Variants in EIF4E3 observed in about 807,000 individuals in gnomAD.
EIF4E3 encodes eukaryotic translation initiation factor 4E type 3.
In EIF4E3, 26 loss-of-function variants were observed where a neutral mutation model predicts 31.7. The ratio of observed to expected loss-of-function variants is 0.82; its 90% CI spans 0.60 to 1.14. EIF4E3 has a LOEUF of 1.14. EIF4E3 is among the 50% of genes most tolerant of loss of function. EIF4E3 has a pLI of 0.00. For missense variants in EIF4E3, 304 were observed against 270.9 expected (o/e 1.12, Z -0.86); for synonymous variants, 128 against 107.7 (o/e 1.19, Z -1.17).
chr3:71,666,885 GC>G, the EIF4E3 span, among the ~76,000 whole-genome samples: 2 of 152,274 alleles, frequency 1.3e-5, no homozygotes, highest in African/African-American at 4.8e-5. Context: ...GTTGCAGTGA[GC>G]CGAGGTCACG....
intron 1 of EIF4E3, among the ~76,000 whole-genome samples, chr3:71,748,713 A>T (rs1433356393): frequency 6.6e-6 from 1 of 152,086 alleles, no homozygotes; most frequent in Non-Finnish European, 1.5e-5. Flanking sequence ...CCCCACACAC[A>T]TGCGCGCACT....
At chr3:71,664,942 C>A in the EIF4E3 span, among the ~76,000 whole-genome samples, 1 of 152,092 alleles carries the variant, frequency 6.6e-6, no homozygotes, top group South Asian at 2.1e-4. Flanking sequence ...GAAGATGACA[C>A]AAAAAAGAAC....
chr3:71,754,527 C>T (rs1401891145), upstream of EIF4E3: 12 of 1,340,794 alleles, frequency 8.9e-6, no homozygotes, highest in Non-Finnish European at 1.1e-5. This position sits in a 1 kb window ranked among gnomAD's most constrained non-coding sequence, Gnocchi z 5.8. Flanking sequence ...CCCGCCAGTG[C>T]TGGACGGCGG....
At chr3:71,709,317 A>G (rs1381874469) in intron 2 of EIF4E3, among the ~76,000 whole-genome samples, 1 of 152,244 alleles carries the variant, frequency 6.6e-6, no homozygotes, top group East Asian at 1.9e-4. Flanking sequence ...CTAAACTAGA[A>G]GACAGGAGAA....
rs1203516005 is a variant in EIF4E3 at position 71,677,316 on chromosome 3, T to C, written c.*7366A>G. 3.9e-5 allele frequency: 6 copies of C among 152,210 alleles called. No homozygotes were observed. Among genetic ancestry groups the C allele is most frequent in the African/African-American group, 7.2e-5 (3 of 41,462 alleles). The allele number at this position is 152,210 out of a possible 1,614,324, so 9.4% of individuals were successfully genotyped here. A position where few individuals can be genotyped will look rare whatever the true frequency, so the allele number is the denominator to read the frequency against. ...ATGTAACAAAAGAACCATCGTCTTG[T>C]AGGATTCCAGAGATTTTTTTATGCA... On this transcript the variant is annotated 3_prime_UTR_variant, in exon 7 of 7. Coordinates refer to ENST00000425534, the MANE Select transcript of EIF4E3 (RefSeq NM_001134651.2).
intron 1 of EIF4E3, among the ~76,000 whole-genome samples, chr3:71,750,227 T>C (rs1468639053): frequency 1.3e-5 from 2 of 152,216 alleles, no homozygotes; most frequent in Non-Finnish European, 2.9e-5. Context: ...TAAACTCAAC[T>C]TCAGAGCCCA....
intron 1 of EIF4E3, among the ~76,000 whole-genome samples, chr3:71,738,913 A>C (rs2049791253): frequency 6.7e-6 from 1 of 150,158 alleles, no homozygotes; most frequent in African/African-American, 2.5e-5. Context: ...AAAACTTAAC[A>C]AATGTAAAAT....
At chr3:71,721,140 A>C (rs1197113611) in intron 1 of EIF4E3, among the ~76,000 whole-genome samples, 1 of 152,228 alleles carries the variant, frequency 6.6e-6, no homozygotes, top group Non-Finnish European at 1.5e-5. Flanking sequence ...AGAGAGCTGA[A>C]GGCTGGAGAT....
chr3:71,690,300 G>A (rs1347588830), intron 5 of EIF4E3, 135 bp from the exon 6 acceptor site: 2 of 1,022,370 alleles, frequency 2.0e-6, no homozygotes, highest in African/African-American at 1.7e-5. Context: ...TAACTTGTAA[G>A]AAATAATTGT....
chr3:71,662,050 A>G, the EIF4E3 span, among the ~76,000 whole-genome samples: 8 of 152,228 alleles, frequency 5.3e-5, no homozygotes, highest in African/African-American at 1.7e-4. Flanking sequence ...CACAGGGTCC[A>G]TGCTTGATAA....
rs938957897 is a variant in EIF4E3 at position 71,677,507 on chromosome 3, A to C, written c.*7175T>G. On this transcript the variant is annotated 3_prime_UTR_variant, in exon 7 of 7. Coordinates refer to ENST00000425534, the MANE Select transcript of EIF4E3 (RefSeq NM_001134651.2). ...AGAACAACCGAGAACACATTCCAAA[A>C]AGTGCATCAATAACGACTAGATGAT... 1 of 152,206 alleles carries C rather than the reference A, an allele frequency of 6.6e-6. No individual in the cohort carries two copies. The highest frequency in any genetic ancestry group is 1.5e-5 in the Non-Finnish European group (1 of 68,030). 9.4% of individuals were successfully genotyped at this position (152,206 alleles called of 1,614,324 possible).
At chr3:71,707,031 G>A (rs779432258) in intron 2 of EIF4E3, among the ~76,000 whole-genome samples, 7 of 152,106 alleles carry the variant, frequency 4.6e-5, no homozygotes, top group Non-Finnish European at 7.3e-5. Flanking sequence ...TGTTAGTGGT[G>A]GTGCGATCCA....
At chr3:71,686,543 A>AGTGTGTGTGTGTGTGTGTGTGTGTGT (rs61264269) in intron 6 of EIF4E3, among the ~76,000 whole-genome samples, 4 of 143,498 alleles carry the variant, frequency 2.8e-5, no homozygotes, top group Non-Finnish European at 4.6e-5. Context: ...TTTCACATTG[A>AGTGTGTGTGTGTGTGTGTGTGTGTGT]GTGTGTGTGT....
In EIF4E3 at chr3:71,680,170, G is replaced by A. The variant is rs1197685439; in HGVS notation, c.*4512C>T. On this transcript the variant is annotated 3_prime_UTR_variant, in exon 7 of 7. Coordinates refer to ENST00000425534, the MANE Select transcript of EIF4E3 (RefSeq NM_001134651.2). The stretch of plus-strand genomic sequence containing the variant: ...ATAAGATTGTTGGTATCATACATTG[G>A]AATCAGGTCACCTGACAGAGCTTAG... 6.6e-6 allele frequency: 1 copy of A among 152,120 alleles called. No individual in the cohort carries two copies. The highest frequency in any genetic ancestry group is 2.4e-5 in the African/African-American group (1 of 41,422). The allele number at this position is 152,120 out of a possible 1,614,324, so 9.4% of individuals were successfully genotyped here.
chr3:71,699,058 C>A (rs9864408), intron 3 of EIF4E3, among the ~76,000 whole-genome samples: 54,026 of 151,506 alleles, frequency 0.36, 10,253 homozygotes, highest in African/African-American at 0.48. Context: ...CCATCTCTAC[C>A]AAAAATAAAA....
intron 1 of EIF4E3, among the ~76,000 whole-genome samples, chr3:71,751,978 C>CA (rs2049933458): frequency 6.6e-6 from 1 of 152,204 alleles, no homozygotes; most frequent in African/African-American, 2.4e-5. Flanking sequence ...CTAACCCATA[C>CA]ACCCTCCAAA....
Position 71,725,289 on chromosome 3 carries a change from C to A in EIF4E3, c.79G>T (p.Ala27Ser). Residue 27 changes from alanine to serine, a missense_variant, in exon 1 of 7, where the codon GCC (alanine) becomes TCC (serine). Physicochemically the swap from Ala to Ser is moderately conservative, Grantham distance 99 (BLOSUM62 1). Coordinates refer to ENST00000425534, the MANE Select transcript of EIF4E3 (RefSeq NM_001134651.2). The surrounding 1 kb of genome is among the most constrained non-coding windows in gnomAD (Gnocchi z 6.1). ...TGCAGGCCGAGCGGCGGCTCGGGGG[C>A]GGCGGCAGCGGCGGCGGCGCGGGAC... is the stretch of plus-strand genomic sequence containing the variant. ...PGSRAAAAAA[A>S]PEPPLGLQQL... 1.0e-6 allele frequency: 1 copy of A among 1,000,854 alleles called. No homozygotes were observed. Among genetic ancestry groups the A allele is most frequent in the Non-Finnish European group, 1.2e-6 (1 of 840,626 alleles). 62.0% of individuals were successfully genotyped at this position (1,000,854 alleles called of 1,614,324 possible). A position where few individuals can be genotyped will look rare whatever the true frequency, so the allele number is the denominator to read the frequency against.
At chr3:71,671,672 C>T (rs1043241809), downstream of EIF4E3, among the ~76,000 whole-genome samples, 12 of 152,122 alleles carry the variant, frequency 7.9e-5, no homozygotes, top group African/African-American at 2.9e-4. Flanking sequence ...GGGGCGGCTG[C>T]GTGGAAGCAG....
the EIF4E3 span, among the ~76,000 whole-genome samples, chr3:71,664,587 T>C: frequency 0.019 from 2,887 of 152,212 alleles, 96 homozygotes; most frequent in African/African-American, 0.066. Flanking sequence ...GAGAGGCCCA[T>C]TCTGTCTCTT....
Sources: gnomAD v4.1 joint callset for allele counts (sites outside exome capture counted in the v4.1 genomes callset) on GRCh38, gnomAD v4.1.1 for gene constraint, Gnocchi (gnomAD v3.1) non-coding constraint, MANE v1.5 for transcripts, NCBI Gene and HGNC (gene_info 2026-07-23, HGNC 2026-07-21) for gene names.